The following PI4KA variants were observed in gnomAD, a reference collection of about 807,000 sequenced individuals.
PI4KA encodes the protein phosphatidylinositol 4-kinase alpha, also known as PI4-kinase alpha.
A neutral mutation model predicts 271.4 loss-of-function variants in PI4KA; 122 were observed. The observed-to-expected ratio is 0.45, with a 90% confidence interval of 0.39 to 0.52. The LOEUF is 0.52. PI4KA is among the 20% of genes least tolerant of loss of function. PI4KA has a pLI of 0.00. For synonymous variants in PI4KA, 1,041 were observed against 1,078.8 expected (o/e 0.96, Z 0.69); for missense variants, 1,969 against 2,769.1 (o/e 0.71, Z 6.48).
rs578014507 is a variant in PI4KA, at chr22:20,817,594, C to A, written c.856+889G>T. ...TACAAAAAATACACAAGTTAGTGGGCGTTGTGGAGGGTGCCTATAGTCCTA... is the reference window on the plus strand; with the variant it reads ...TACAAAAAATACACAAGTTAGTGGGAGTTGTGGAGGGTGCCTATAGTCCTA... On this transcript the variant is annotated intron_variant, in intron 7 of 54. Coordinates refer to ENST00000255882, the MANE Select transcript of PI4KA (RefSeq NM_058004.4). Among the ~76,000 whole-genome samples the A allele has an allele frequency of 2.5e-4, 38 of 150,900 alleles. 2 individuals carry two copies. The South Asian group carries it at 8.0e-3, about 32-fold the overall frequency.
rs780858442 is a variant in PI4KA, at chr22:20,824,281, T to C, written c.456+45A>G. 8.3e-6 allele frequency: 10 copies of C among 1,206,592 alleles called. No homozygotes were observed. The Admixed American group carries it at 1.0e-4, about 12-fold the overall frequency. 74.7% of individuals were successfully genotyped at this position (1,206,592 alleles called of 1,614,324 possible). ...TCTTTTCATCACTTTGGGACTCTAT[T>C]CAATCTAATAGAAATGCATACCAAA... On this transcript the variant is annotated intron_variant, in intron 4 of 54. Transcript: ENST00000255882.
At chr22:20,818,029 G>A (rs1473971263) in intron 7 of PI4KA, among the ~76,000 whole-genome samples, 1 of 152,014 alleles carries the variant, frequency 6.6e-6, no homozygotes, top group Admixed American at 6.6e-5. Context: ...GGAGGCTGAG[G>A]CAAGAGAATT....
At position 20,835,398 on chromosome 22, in the gene PI4KA, A is replaced by G. The variant is rs562303184; in HGVS notation, c.274-743T>C. On this transcript the variant is annotated intron_variant, in intron 2 of 54. Coordinates refer to ENST00000255882, the MANE Select transcript of PI4KA (RefSeq NM_058004.4). ...AAGAGGAGTACTATTTGATGTTTTGAAATGCTGACAAACCACATGGTAGTT... is the reference window on the plus strand; with the variant it reads ...AAGAGGAGTACTATTTGATGTTTTGGAATGCTGACAAACCACATGGTAGTT... Among the ~76,000 whole-genome samples the G allele has an allele frequency of 2.0e-5, 3 of 152,312 alleles. No individual in the cohort carries two copies. The East Asian group carries it at 5.8e-4, about 29-fold the overall frequency.
rs762633445 is a variant in PI4KA at position 20,718,811 on chromosome 22, C to T, written c.5128G>A (p.Asp1710Asn). The change falls in exon 44 of 55, where the codon GAC becomes AAC. Residue 1710 changes from aspartate to asparagine, a missense_variant. Asp to Asn is a conservative substitution (Grantham distance 23, BLOSUM62 1). Coordinates refer to ENST00000255882, the MANE Select transcript of PI4KA (RefSeq NM_058004.4). The part of the protein sequence containing the change: ...EGHQKDPDIG[D>N]LLDQLVEEIT... Reference sequence around the variant, plus strand: ...TCCTCTACCAACTGATCCAGGAGGTCGCCGATGTCAGCTGCCAAGGAAGCA... The same window carrying T: ...TCCTCTACCAACTGATCCAGGAGGTTGCCGATGTCAGCTGCCAAGGAAGCA... The T allele has an allele frequency of 2.4e-5, 38 of 1,613,688 alleles. No individual in the cohort carries two copies. Among genetic ancestry groups the T allele is most frequent in the Non-Finnish European group, 2.5e-5 (29 of 1,179,956 alleles).
rs1487759415 is a variant in PI4KA at position 20,780,773 on chromosome 22, C to CT, written c.2328+12419dup. On this transcript the variant is annotated intron_variant, in intron 19 of 54. Transcript: ENST00000255882. ...CCTGGACGACAGAGTGAGACTCCAT[C>CT]TCAAAAAAAAAAAAAAAAGAAGTAA... is the stretch of plus-strand genomic sequence containing the variant. Among the ~76,000 whole-genome samples, 3 of 38,800 alleles carry CT rather than the reference C, an allele frequency of 7.7e-5. No individual in the cohort carries two copies. The Admixed American group carries it at 9.8e-4, about 13-fold the overall frequency. The allele number at this position is 38,800 out of a possible 152,430, so 25.5% of individuals were successfully genotyped here.
chr22:20,807,589 G>A, intron 9 of PI4KA, 131 bp from the exon 10 acceptor site: 1 of 623,744 alleles, frequency 1.6e-6, no homozygotes, highest in East Asian at 2.8e-5. Context: ...TGTTTATCAT[G>A]ACTCATCACT....
At chr22:20,798,350 G>T in intron 17 of PI4KA, 1 of 507,130 alleles carries the variant, frequency 2.0e-6, no homozygotes. Flanking sequence ...GTGCAGCATG[G>T]GCCCAATCAG....
At chr22:20,842,837 G>A (rs1478852718) in intron 1 of PI4KA, among the ~76,000 whole-genome samples, 4 of 141,436 alleles carry the variant, frequency 2.8e-5, no homozygotes, top group Admixed American at 7.1e-5. Context: ...AAGGCCGGGC[G>A]CAGTGGCTCA....
At chr22:20,804,853 T>C in intron 11 of PI4KA, 121 bp downstream of exon 11, 3 of 794,418 alleles carry the variant, frequency 3.8e-6, no homozygotes, top group Non-Finnish European at 6.2e-6. Context: ...GGAGGCCTAC[T>C]GCAACTGCCT....
At chr22:20,780,042 T>G in intron 19 of PI4KA, 1 of 1,614,154 alleles carries the variant, frequency 6.2e-7, no homozygotes, top group African/African-American at 1.3e-5. Context: ...AAGAGAGTAT[T>G]ACTTTGCTGA....
At position 20,796,309 on chromosome 22, in the gene PI4KA, C is replaced by T; in HGVS notation, c.2114G>A (p.Cys705Tyr). 1 of 1,612,994 alleles carries T rather than the reference C, an allele frequency of 6.2e-7. No individual in the cohort carries two copies. The highest frequency in any genetic ancestry group is 8.5e-7 in the Non-Finnish European group (1 of 1,179,424). The change falls in exon 18 of 55, where the codon TGC becomes TAC. Residue 705 changes from cysteine to tyrosine, a missense_variant. Physicochemically the swap from Cys to Tyr is radical, Grantham distance 194 (BLOSUM62 -2). This residue lies in a region of PI4KA where 368 missense variants were observed against 544.3 expected (regional missense o/e 0.68). Transcript: ENST00000255882. Reference sequence around the variant, plus strand: ...CAGGGCATTAATCACTGCCAGGGAGCAATGCCTGAAGAAGAAGGAGTGAAA... The same window carrying T: ...CAGGGCATTAATCACTGCCAGGGAGTAATGCCTGAAGAAGAAGGAGTGAAA... ...KDYKDHGYRH[C>Y]SLAVINALAN...
rs1035090824 is a variant in PI4KA at position 20,799,699 on chromosome 22, G to A, written c.1792C>T (p.Arg598Trp). The A allele has an allele frequency of 1.7e-5, 26 of 1,552,696 alleles. No individual in the cohort carries two copies. Among genetic ancestry groups the A allele is most frequent in the Admixed American group, 3.9e-5 (2 of 51,140 alleles). The stretch of plus-strand genomic sequence containing the variant: ...TCGCTCTCCTGAGAGATGTAGAGCC[G>A]GTTGGACAGGCTGGCCAAGAACGCC... ...VEAFLASLSN[R>W]LYISQESDKD... The change falls in exon 15 of 55, where the codon CGG becomes TGG. Residue 598 changes from arginine (R) to tryptophan (W), a missense_variant. Around this residue, in one of 13 missense-constraint regions of PI4KA, gnomAD observed 228 missense variants for 261.6 expected, o/e 0.87. Transcript: ENST00000255882.
At position 20,838,120 on chromosome 22, in the gene PI4KA, C is replaced by CA. The variant is rs1445243279; in HGVS notation, c.273+494dup. Reference sequence around the variant, plus strand: ...TGGGTGACAAAGCAAGACTCCATCTCAAAAAAAAAAAAAACAAGATACACT... The same window carrying CA: ...TGGGTGACAAAGCAAGACTCCATCTCAAAAAAAAAAAAAAACAAGATACACT... On this transcript the variant is annotated intron_variant, in intron 2 of 54. Coordinates refer to ENST00000255882, the MANE Select transcript of PI4KA (RefSeq NM_058004.4). 5.9e-3 allele frequency among the ~76,000 whole-genome samples: 490 copies of CA among 83,206 alleles called. 2 individuals are homozygous for CA. Among genetic ancestry groups the CA allele is most frequent in the Middle Eastern group, 8.6e-3 (1 of 116 alleles). The allele number at this position is 83,206 out of a possible 152,430, so 54.6% of individuals were successfully genotyped here.
At chr22:20,823,345 T>A (rs1922959996) in intron 4 of PI4KA, among the ~76,000 whole-genome samples, 1 of 152,218 alleles carries the variant, frequency 6.6e-6, no homozygotes, top group African/African-American at 2.4e-5. Flanking sequence ...TTCTAACATA[T>A]TTAAGTATTT....
intron 54 of PI4KA, among the ~76,000 whole-genome samples, chr22:20,708,688 G>A (rs1236103956): frequency 8.6e-6 from 1 of 115,858 alleles, no homozygotes; most frequent in Non-Finnish European, 1.7e-5. Flanking sequence ...ATGCCCCTCA[G>A]GGCCTTACCA....
intron 1 of PI4KA, among the ~76,000 whole-genome samples, chr22:20,851,256 C>T (rs1926940137): frequency 6.6e-6 from 1 of 152,004 alleles, no homozygotes; most frequent in South Asian, 2.1e-4. Context: ...GTGCCTGCAA[C>T]ACAGCAAACC....
intron 7 of PI4KA, among the ~76,000 whole-genome samples, chr22:20,815,393 A>C (rs551377976): frequency 1.6e-4 from 25 of 151,650 alleles, no homozygotes; most frequent in African/African-American, 5.3e-4. Context: ...AAAAAAAAAA[A>C]AAAAAAACAA....
chr22:20,740,395 GAAGA>G (rs1369965578), intron 32 of PI4KA, among the ~76,000 whole-genome samples: 1 of 149,860 alleles, frequency 6.7e-6, no homozygotes, highest in East Asian at 1.9e-4. Flanking sequence ...CCAAAAAGGA[GAAGA>G]GAGAGAGAAT....
intron 28 of PI4KA, among the ~76,000 whole-genome samples, chr22:20,748,871 G>A (rs774872215): frequency 1.8e-4 from 28 of 152,144 alleles, no homozygotes; most frequent in Non-Finnish European, 3.2e-4. Flanking sequence ...GGCTGGGCAC[G>A]GAGGGTGGGG....
Sources: gnomAD v4.1 joint callset for allele counts (sites outside exome capture counted in the v4.1 genomes callset) on GRCh38, gnomAD v4.1.1 for gene constraint, gnomAD v4.1.1 regional missense constraint, MANE v1.5 for transcripts, NCBI Gene and HGNC (gene_info 2026-07-23, HGNC 2026-07-21) for gene names.